The following CDC42BPA variants were observed in gnomAD, a reference collection of about 807,000 sequenced individuals.
CDC42BPA encodes CDC42 binding protein kinase alpha.
Under a neutral mutation model 223.5 loss-of-function variants are expected in CDC42BPA, and 80 were observed. The observed-to-expected ratio is 0.36, with a 90% CI of 0.30 to 0.43. The LOEUF is 0.43. Ranked by LOEUF, CDC42BPA falls within the 20% of genes least tolerant of loss-of-function variation. CDC42BPA has a pLI of 1.00. For missense variants in CDC42BPA, 1,743 were observed against 2,099.9 expected (o/e 0.83, Z 3.32); for synonymous variants, 694 against 718.6 (o/e 0.97, Z 0.55).
At chr1:227,294,308 G>GT (rs1273703455) in intron 1 of CDC42BPA, among the ~76,000 whole-genome samples, 7 of 151,930 alleles carry the variant, frequency 4.6e-5, no homozygotes, top group African/African-American at 1.7e-4. Flanking sequence ...AAATAACTGT[G>GT]TATTTATTTA....
intron 2 of CDC42BPA, among the ~76,000 whole-genome samples, chr1:227,222,112 G>C (rs1676021060): frequency 6.7e-6 from 1 of 149,330 alleles, no homozygotes; most frequent in Non-Finnish European, 1.5e-5. Context: ...GCATGCCTGT[G>C]ATCCCAGCTA....
At chr1:227,225,059 C>T (rs1348983349) in intron 2 of CDC42BPA, among the ~76,000 whole-genome samples, 1 of 152,108 alleles carries the variant, frequency 6.6e-6, no homozygotes, top group African/African-American at 2.4e-5. Flanking sequence ...CAAATATCCA[C>T]ATAATGGACT....
chr1:226,993,999 G>C lies in CDC42BPA; in HGVS notation c.*269C>G, dbSNP rs1339381513. On this transcript the variant is annotated 3_prime_UTR_variant, in exon 37 of 37. Coordinates refer to ENST00000366766, the MANE Select transcript of CDC42BPA (RefSeq NM_001394014.1). ...ATTTAAGCTACCTTTGGGAGTAGGG[G>C]TAAAATGTTACTGAAAGCAACTCTA... is the stretch of plus-strand genomic sequence containing the variant. The C allele has an allele frequency of 2.6e-6, 1 of 382,324 alleles. No individual in the cohort carries two copies. The highest frequency in any genetic ancestry group is 4.8e-6 in the Non-Finnish European group (1 of 208,204). 23.7% of individuals were successfully genotyped at this position (382,324 alleles called of 1,614,324 possible).
At chr1:227,268,410 G>C (rs1055823754) in intron 1 of CDC42BPA, among the ~76,000 whole-genome samples, 4 of 151,606 alleles carry the variant, frequency 2.6e-5, no homozygotes, top group African/African-American at 9.7e-5. Flanking sequence ...TAATTTATTA[G>C]TTTTGATATC....
rs369929514 is a variant in CDC42BPA, at chr1:227,034,510, TTC to T, written c.3476+143_3476+144del. 1.3e-3 allele frequency: 926 copies of T among 736,714 alleles called. 6 individuals carry two copies. The highest frequency in any genetic ancestry group is 6.7e-3 in the South Asian group (334 of 49,764). The allele number at this position is 736,714 out of a possible 1,614,324, so 45.6% of individuals were successfully genotyped here. A position where few individuals can be genotyped will look rare whatever the true frequency, so the allele number is the denominator to read the frequency against. On this transcript the variant is annotated intron_variant, in intron 26 of 36. Transcript: ENST00000366766. ...AATACACCTTACTTCCTATTTTCAATTCTGTTTCTATAGCAATATTAGCAAAT... is the reference window on the plus strand; with the variant it reads ...AATACACCTTACTTCCTATTTTCAATTGTTTCTATAGCAATATTAGCAAAT...
Position 227,258,178 on chromosome 1 carries a change from A to G in CDC42BPA, c.179-4023T>C, listed in dbSNP as rs1362322782. Among the ~76,000 whole-genome samples the G allele has an allele frequency of 3.4e-5, 5 of 146,146 alleles. 1 individual carries two copies. The highest frequency in any genetic ancestry group is 1.3e-4 in the African/African-American group (5 of 38,844). ...CAACAGGGTGAAACCCTGTCCGGGAAAAAAAAAAAAAAAAAAGAACTGAAA... is the reference window on the plus strand; with the variant it reads ...CAACAGGGTGAAACCCTGTCCGGGAGAAAAAAAAAAAAAAAAGAACTGAAA... On this transcript the variant is annotated intron_variant, in intron 1 of 36. Coordinates refer to ENST00000366766, the MANE Select transcript of CDC42BPA (RefSeq NM_001394014.1).
intron 10 of CDC42BPA, among the ~76,000 whole-genome samples, chr1:227,131,187 A>G (rs963109216): frequency 1.3e-5 from 2 of 152,204 alleles, no homozygotes; most frequent in East Asian, 3.9e-4. Flanking sequence ...TGAGGCACAT[A>G]AATCCCCTAC....
chr1:227,050,107 A>G (rs1673238703), intron 22 of CDC42BPA, among the ~76,000 whole-genome samples: 1 of 152,156 alleles, frequency 6.6e-6, no homozygotes, highest in Non-Finnish European at 1.5e-5. Flanking sequence ...TGCAATGCAT[A>G]TAGCTAGCAA....
intron 2 of CDC42BPA, among the ~76,000 whole-genome samples, chr1:227,226,462 T>C (rs974455045): frequency 1.3e-5 from 2 of 152,188 alleles, no homozygotes; most frequent in East Asian, 1.9e-4. Flanking sequence ...AATTATATCA[T>C]AGTCCATAGA....
intron 2 of CDC42BPA, among the ~76,000 whole-genome samples, chr1:227,218,244 A>G (rs527431793): frequency 1.5e-5 from 2 of 136,716 alleles, no homozygotes; most frequent in South Asian, 4.2e-4. Flanking sequence ...TTAAACATCT[A>G]TCAGCTTATT....
At chr1:227,013,934 C>T (rs953119219) in intron 34 of CDC42BPA, among the ~76,000 whole-genome samples, 54 of 152,102 alleles carry the variant, frequency 3.6e-4, no homozygotes, top group Non-Finnish European at 1.6e-4. Context: ...CAGCACTTGA[C>T]TTATCAAATA....
At chr1:227,129,929 C>A (rs1341830458) in intron 10 of CDC42BPA, among the ~76,000 whole-genome samples, 1 of 151,954 alleles carries the variant, frequency 6.6e-6, no homozygotes, top group Non-Finnish European at 1.5e-5. Flanking sequence ...GAAATGCTGG[C>A]CTTCCAAATT....
chr1:227,015,048 T>C (rs984176671), intron 34 of CDC42BPA, among the ~76,000 whole-genome samples: 1 of 152,100 alleles, frequency 6.6e-6, no homozygotes, highest in Non-Finnish European at 1.5e-5. Context: ...CTCAAACTCC[T>C]GGGCTCAAGT....
chr1:227,104,784 G>A (rs140473584), intron 14 of CDC42BPA, among the ~76,000 whole-genome samples: 3 of 152,070 alleles, frequency 2.0e-5, no homozygotes, highest in Admixed American at 6.6e-5. Flanking sequence ...CAGAGATCAG[G>A]GTGATGTATC....
At chr1:227,003,534 G>A (rs1047505502) in intron 35 of CDC42BPA, among the ~76,000 whole-genome samples, 2 of 152,210 alleles carry the variant, frequency 1.3e-5, no homozygotes, top group East Asian at 1.9e-4. Context: ...ATCTTAGATC[G>A]CAGTGAATTT....
chr1:227,249,954 A>G (rs1681682727), intron 2 of CDC42BPA, among the ~76,000 whole-genome samples: 1 of 152,212 alleles, frequency 6.6e-6, no homozygotes, highest in South Asian at 2.1e-4. Flanking sequence ...AAAGAGTACA[A>G]CTGGATTTTT....
At chr1:227,135,483 G>C (rs149914549) in intron 10 of CDC42BPA, among the ~76,000 whole-genome samples, 2 of 152,220 alleles carry the variant, frequency 1.3e-5, no homozygotes, top group African/African-American at 4.8e-5. Context: ...AAGTGAAGGA[G>C]AAAGAGGCCC....
intron 34 of CDC42BPA, among the ~76,000 whole-genome samples, chr1:227,013,702 CT>C (rs1665658475): frequency 6.6e-6 from 1 of 151,986 alleles, no homozygotes; most frequent in African/African-American, 2.4e-5. Context: ...TAAAAACATT[CT>C]TTTCTGTGTA....
intron 4 of CDC42BPA, among the ~76,000 whole-genome samples, chr1:227,198,438 CAAAAAAA>C (rs1176604134): frequency 1.9e-5 from 1 of 51,538 alleles, no homozygotes; most frequent in Non-Finnish European, 3.9e-5. Flanking sequence ...ATCCAGCAAA[CAAAAAAA>C]AAAAAAAGAA....
Sources: gnomAD v4.1 joint callset for allele counts (sites outside exome capture counted in the v4.1 genomes callset) on GRCh38, gnomAD v4.1.1 for gene constraint, MANE v1.5 for transcripts, NCBI Gene and HGNC (gene_info 2026-07-23, HGNC 2026-07-21) for gene names.